Variants in G3BP2 observed in about 807,000 individuals in gnomAD.
G3BP2 encodes G3BP stress granule assembly factor 2, also known as ras GTPase-activating protein-binding protein 2.
A neutral mutation model predicts 56.7 loss-of-function variants in G3BP2; 11 were observed. The observed-to-expected ratio is 0.19, with a 90% CI of 0.12 to 0.32. G3BP2 has a LOEUF of 0.32. G3BP2 is among the 10% of genes least tolerant of loss of function. The pLI, the probability that G3BP2 is intolerant of heterozygous loss-of-function variation, is 1.00. For missense variants in G3BP2, 340 were observed against 610.9 expected (o/e 0.56, Z 4.67); for synonymous variants, 165 against 191.6 (o/e 0.86, Z 1.15).
chr4:75,692,361 G>C (rs1311365575), intron 3 of G3BP2, among the ~76,000 whole-genome samples: 2 of 152,022 alleles, frequency 1.3e-5, no homozygotes. Context: ...GCCCAGGCTG[G>C]AGTGCAGTGG....
chr4:75,720,669 G>A (rs1414112420), intron 3 of G3BP2, among the ~76,000 whole-genome samples: 2 of 150,350 alleles, frequency 1.3e-5, no homozygotes, highest in Non-Finnish European at 1.5e-5. Context: ...GGTGGCATGT[G>A]CCTCTATTCC....
intron 4 of G3BP2, 33 bp from the exon 5 acceptor site, chr4:75,657,047 C>A (rs755949888): frequency 2.0e-5 from 18 of 900,646 alleles, no homozygotes; most frequent in Middle Eastern, 2.1e-4. Context: ...CATAAATATC[C>A]AGAAATCTGG....
At chr4:75,719,369 A>C (rs1042872955) in intron 3 of G3BP2, among the ~76,000 whole-genome samples, 1 of 147,772 alleles carries the variant, frequency 6.8e-6, no homozygotes, top group Non-Finnish European at 1.5e-5. Context: ...AAAAAAAAAG[A>C]AATTGATAAT....
intron 1 of G3BP2, among the ~76,000 whole-genome samples, chr4:75,662,809 TCTA>T (rs1200376800): frequency 2.0e-5 from 3 of 152,164 alleles, no homozygotes; most frequent in African/African-American, 7.2e-5. Flanking sequence ...GGGACCAAAA[TCTA>T]CTACATTCCT....
At chr4:75,675,120 C>T (rs114060608), upstream of G3BP2, among the ~76,000 whole-genome samples, 195 of 152,224 alleles carry the variant, frequency 1.3e-3, 1 homozygote, top group African/African-American at 4.6e-3. Flanking sequence ...TTCACTGGAG[C>T]TGGGATTCAA....
chr4:75,688,036 G>T (rs1718683559), intron 3 of G3BP2, among the ~76,000 whole-genome samples: 1 of 152,204 alleles, frequency 6.6e-6, no homozygotes, highest in African/African-American at 2.4e-5. Context: ...GCTGCCCATG[G>T]TCACTGAACT....
At chr4:75,654,415 G>T (rs185161526) in intron 7 of G3BP2, among the ~76,000 whole-genome samples, 2 of 152,336 alleles carry the variant, frequency 1.3e-5, no homozygotes, top group East Asian at 1.9e-4. Context: ...TTCCCCTTTG[G>T]GGGTAAGATA....
chr4:75,714,749 G>T (rs1719874060), intron 3 of G3BP2, among the ~76,000 whole-genome samples: 1 of 152,136 alleles, frequency 6.6e-6, no homozygotes, highest in African/African-American at 2.4e-5. Context: ...AATGGGAAAG[G>T]CACACTCATT....
intron 8 of G3BP2, among the ~76,000 whole-genome samples, chr4:75,649,631 G>T (rs547892959): frequency 6.6e-6 from 1 of 152,256 alleles, no homozygotes; most frequent in East Asian, 1.9e-4. Context: ...TATGGTCCAA[G>T]GAGAGACAAA....
chr4:75,648,939 G>C (rs761632712), intron 8 of G3BP2, 198 bp from the exon 9 acceptor site: 1 of 414,136 alleles, frequency 2.4e-6, no homozygotes, highest in African/African-American at 2.0e-5. Context: ...GGTAGCTTTT[G>C]TTTTCCCACT....
At chr4:75,681,393 C>CT (rs1734068779) in intron 3 of G3BP2, among the ~76,000 whole-genome samples, 1 of 152,088 alleles carries the variant, frequency 6.6e-6, no homozygotes, top group Admixed American at 6.5e-5. Context: ...GTAGTCCCCC[C>CT]TTATCTGCAG....
Position 75,655,115 on chromosome 4 carries a change from G to C in G3BP2, c.677C>G (p.Thr226Ser), listed in dbSNP as rs1426245128. 1 of 1,612,658 alleles carries C rather than the reference G, an allele frequency of 6.2e-7. No individual in the cohort carries two copies. Among genetic ancestry groups the C allele is most frequent in the Non-Finnish European group, 8.5e-7 (1 of 1,178,754 alleles). The change falls in exon 7 of 12, where the codon ACT (threonine) becomes AGT (serine). Residue 226 changes from threonine to serine, a missense_variant. Thr to Ser is a moderately conservative substitution (Grantham distance 58). This residue lies in a region of G3BP2 where 224 missense variants were observed against 332.5 expected (regional missense o/e 0.67). Coordinates refer to ENST00000359707, the MANE Select transcript of G3BP2 (RefSeq NM_203505.3). ...KNLEELEEKS[T>S]TPPPAEPVSL... ...AACAGGTTCTGCCGGAGGAGGAGTAGTAGATTTCTCCTCTAGTTCTTCTAA... is the reference window on the plus strand; with the variant it reads ...AACAGGTTCTGCCGGAGGAGGAGTACTAGATTTCTCCTCTAGTTCTTCTAA...
chr4:75,675,149 C>T (rs896305240), upstream of G3BP2, among the ~76,000 whole-genome samples: 18 of 152,170 alleles, frequency 1.2e-4, no homozygotes, highest in Non-Finnish European at 2.4e-4. Flanking sequence ...AATCTGCCTC[C>T]ACAGTCCATA....
chr4:75,649,894 C>G (rs998657035), intron 8 of G3BP2, among the ~76,000 whole-genome samples: 13 of 152,024 alleles, frequency 8.6e-5, no homozygotes, highest in African/African-American at 2.9e-4. Context: ...ACCTGTAACC[C>G]CAGCTACTTG....
At chr4:75,719,097 C>G (rs552110430) in intron 3 of G3BP2, among the ~76,000 whole-genome samples, 1 of 152,108 alleles carries the variant, frequency 6.6e-6, no homozygotes, top group East Asian at 1.9e-4. Context: ...GCCTGTAATC[C>G]CAGCACTTTG....
intron 3 of G3BP2, among the ~76,000 whole-genome samples, chr4:75,703,348 G>A (rs1719419279): frequency 6.6e-6 from 1 of 152,120 alleles, no homozygotes; most frequent in South Asian, 2.1e-4. Context: ...GGAGGCAGCA[G>A]CCAGCACCCC....
chr4:75,692,835 G>A (rs1467082771), intron 3 of G3BP2, among the ~76,000 whole-genome samples: 1 of 152,204 alleles, frequency 6.6e-6, no homozygotes, highest in African/African-American at 2.4e-5. Flanking sequence ...GGTCTTGAAG[G>A]GGTTTCTAGA....
chr4:75,713,420 A>G (rs1052818244), intron 3 of G3BP2, among the ~76,000 whole-genome samples: 2 of 152,222 alleles, frequency 1.3e-5, no homozygotes, highest in Non-Finnish European at 2.9e-5. Context: ...CTTACTAATT[A>G]CAAGGGGAAA....
At chr4:75,705,549 A>C (rs1719513304) in intron 3 of G3BP2, among the ~76,000 whole-genome samples, 1 of 152,150 alleles carries the variant, frequency 6.6e-6, no homozygotes, top group South Asian at 2.1e-4. Flanking sequence ...AGAGCCAGAG[A>C]AGAGCACATT....
Sources: allele counts gnomAD v4.1 joint callset (sites outside exome capture counted in the v4.1 genomes callset), GRCh38; gene constraint gnomAD v4.1.1; regional missense constraint gnomAD v4.1.1; transcripts MANE v1.5; gene names NCBI Gene and HGNC (gene_info 2026-07-23, HGNC 2026-07-21).